Variants in CRY1 observed in about 807,000 individuals in gnomAD.
CRY1 encodes cryptochrome-1.
Under a neutral mutation model 76.0 loss-of-function variants are expected in CRY1, and 45 were observed. That is an observed-to-expected ratio of 0.59 (90% CI 0.47 to 0.76). CRY1 has a LOEUF of 0.76. CRY1 is among the 30% of genes least tolerant of loss of function. The pLI, the probability that CRY1 is intolerant of heterozygous loss-of-function variation, is 0.00. For missense variants in CRY1, 587 were observed against 716.4 expected (o/e 0.82, Z 2.06); for synonymous variants, 248 against 244.0 (o/e 1.02, Z -0.15).
chr12:107,050,070 AAAGAC>A (rs1380831338), intron 1 of CRY1: 5 of 152,194 alleles, frequency 3.3e-5, no homozygotes, highest in Admixed American at 1.3e-4. Context: ...AGTGGTTACA[AAAGAC>A]AAAGTGGGGG....
At chr12:107,034,013 G>C (rs1398631509) in intron 1 of CRY1, among the ~76,000 whole-genome samples, 1 of 151,616 alleles carries the variant, frequency 6.6e-6, no homozygotes, top group Non-Finnish European at 1.5e-5. Flanking sequence ...GAGACCTGCT[G>C]AGCAGTACTT....
intron 1 of CRY1, among the ~76,000 whole-genome samples, chr12:107,046,462 A>G (rs1018507116): frequency 2.6e-5 from 4 of 152,188 alleles, no homozygotes; most frequent in African/African-American, 9.6e-5. Flanking sequence ...ATGATAAACA[A>G]TAAGAGAGAA....
intron 1 of CRY1, among the ~76,000 whole-genome samples, chr12:107,070,678 A>G (rs929451797): frequency 2.2e-5 from 3 of 138,742 alleles, no homozygotes; most frequent in Non-Finnish European, 3.2e-5. Flanking sequence ...TTATTTATTT[A>G]TTTATTTATT....
intron 1 of CRY1, among the ~76,000 whole-genome samples, chr12:107,073,836 T>C (rs1953220039): frequency 6.6e-6 from 1 of 152,180 alleles, no homozygotes; most frequent in South Asian, 2.1e-4. Context: ...CAAAAGACTG[T>C]TTCCAATTAA....
chr12:107,037,696 ATTTT>A (rs1372107113), intron 1 of CRY1, among the ~76,000 whole-genome samples: 2 of 144,966 alleles, frequency 1.4e-5, no homozygotes, highest in African/African-American at 2.8e-5. Context: ...TTTAGAAATT[ATTTT>A]ATTTATTTAT....
At chr12:107,029,156 G>C (rs1026373805) in intron 1 of CRY1, among the ~76,000 whole-genome samples, 1 of 151,920 alleles carries the variant, frequency 6.6e-6, no homozygotes, top group South Asian at 2.1e-4. Context: ...CTCCCATCTC[G>C]GTTCCTGAAT....
At chr12:107,087,118 C>T (rs1458363837) in intron 1 of CRY1, among the ~76,000 whole-genome samples, 5 of 152,236 alleles carry the variant, frequency 3.3e-5, no homozygotes, top group Admixed American at 6.5e-5. Flanking sequence ...ACAGCATACA[C>T]CCTCAGCCTG....
chr12:107,019,426 A>T (rs1952529422), intron 2 of CRY1, among the ~76,000 whole-genome samples: 1 of 152,198 alleles, frequency 6.6e-6, no homozygotes, highest in South Asian at 2.1e-4. Context: ...ATGTATATGT[A>T]TGTGTTCATG....
intron 1 of CRY1, among the ~76,000 whole-genome samples, chr12:107,043,961 G>A (rs565644158): frequency 5.3e-5 from 8 of 152,242 alleles, no homozygotes; most frequent in Admixed American, 5.2e-4. Flanking sequence ...ATGGAGTCAG[G>A]CCAGAGCTGT....
rs1343959487 is a variant in CRY1 at position 107,005,708 on chromosome 12, TTAAC to T, written c.268-464_268-461del. ...GTCTGTTGAGTCTAAGAACTGGTCTTTAACTAACCTTTGATATTGATATGGTATA... is the reference window on the plus strand; with the variant it reads ...GTCTGTTGAGTCTAAGAACTGGTCTTTAACCTTTGATATTGATATGGTATA... On this transcript the variant is annotated intron_variant, in intron 2 of 12. Transcript: ENST00000008527. 2.6e-5 allele frequency among the ~76,000 whole-genome samples: 4 copies of T among 152,186 alleles called. No homozygotes were observed. In the East Asian group the frequency reaches 7.7e-4, roughly 29 times the overall value.
chr12:107,019,062 CTACT>C (rs1329332808), intron 2 of CRY1, among the ~76,000 whole-genome samples: 3 of 152,176 alleles, frequency 2.0e-5, no homozygotes, highest in Non-Finnish European at 4.4e-5. Context: ...AAAATCCTCA[CTACT>C]TGCTGTACTA....
At chr12:106,993,402 A>G (rs576557902) in intron 10 of CRY1, among the ~76,000 whole-genome samples, 3 of 151,770 alleles carry the variant, frequency 2.0e-5, no homozygotes, top group Admixed American at 1.3e-4. Flanking sequence ...AGCTCCTCCA[A>G]ACATATTTCC....
At chr12:106,995,283 C>T (rs1347111487) in intron 10 of CRY1, among the ~76,000 whole-genome samples, 1 of 152,082 alleles carries the variant, frequency 6.6e-6, no homozygotes, top group Non-Finnish European at 1.5e-5. Flanking sequence ...GCTTTTGTCC[C>T]CTTCTCCCAA....
At position 107,005,123 on chromosome 12, in the gene CRY1, T is replaced by C. The variant is rs142987748; in HGVS notation, c.393A>G (p.Thr131=). Residue 131 remains threonine, a synonymous_variant, in exon 3 of 13, where the codon ACA becomes ACG. Transcript: ENST00000008527. ...GGACTCACTTGTCTAGGTCATATAA[T>C]GTATGTGAAATTCTTACAATGACTT... ...GVEVIVRISH[T]LYDLDKIIEL... 1,120 of 1,612,898 alleles carry C rather than the reference T, an allele frequency of 6.9e-4. 1 individual carries two copies. The highest frequency in any genetic ancestry group is 9.1e-4 in the Non-Finnish European group (1,073 of 1,179,726).
At chr12:107,056,340 G>GT (rs1321906695) in intron 1 of CRY1, among the ~76,000 whole-genome samples, 1 of 152,356 alleles carries the variant, frequency 6.6e-6, no homozygotes, top group South Asian at 2.1e-4. Flanking sequence ...TTTATAGGCT[G>GT]TAAGCACTGG....
chr12:107,051,544 G>A (rs1484230106), intron 1 of CRY1, among the ~76,000 whole-genome samples: 2 of 152,092 alleles, frequency 1.3e-5, no homozygotes, highest in Non-Finnish European at 2.9e-5. Context: ...ATGAGAATAA[G>A]ATATGGATAT....
At position 107,092,929 on chromosome 12, in the gene CRY1, C is replaced by T. The variant is rs772108287; in HGVS notation, c.33G>A (p.Lys11=). MGVNAVHWFR[K]GLRLHDNPAL... is the part of the protein sequence containing the mutation. ...CGGGGTTGTCGTGGAGCCGGAGCCC[C>T]TTTCGGAACCAGTGCACGGCGTTCA... Residue 11 remains lysine, a synonymous_variant, in exon 1 of 13, where the codon AAG becomes AAA. Coordinates refer to ENST00000008527, the MANE Select transcript of CRY1 (RefSeq NM_004075.5). The T allele has an allele frequency of 2.5e-6, 4 of 1,600,520 alleles. No individual in the cohort carries two copies. The highest frequency in any genetic ancestry group is 2.2e-5 in the South Asian group (2 of 89,308).
chr12:107,054,371 TAATA>T (rs1231831097), intron 1 of CRY1, among the ~76,000 whole-genome samples: 3 of 151,606 alleles, frequency 2.0e-5, no homozygotes, highest in African/African-American at 4.8e-5. Flanking sequence ...TTTTATTAAT[TAATA>T]AATTTATTAA....
At chr12:107,032,424 G>C (rs1390663633) in intron 1 of CRY1, among the ~76,000 whole-genome samples, 1 of 151,698 alleles carries the variant, frequency 6.6e-6, no homozygotes, top group Non-Finnish European at 1.5e-5. Flanking sequence ...CAAATTCATG[G>C]AAACTATGTG....
Sources: gnomAD v4.1 joint callset for allele counts (sites outside exome capture counted in the v4.1 genomes callset) on GRCh38, gnomAD v4.1.1 for gene constraint, MANE v1.5 for transcripts, NCBI Gene and HGNC (gene_info 2026-07-23, HGNC 2026-07-21) for gene names.